MAST4: variants seen among roughly 807,000 people sequenced by gnomAD.
MAST4 encodes the protein microtubule associated serine/threonine kinase family member 4, also known as microtubule-associated serine/threonine-protein kinase 4.
In MAST4, 89 loss-of-function variants were observed where a neutral mutation model predicts 162.7. The ratio of observed to expected loss-of-function variants is 0.55; its 90% confidence interval spans 0.46 to 0.65. MAST4 has a LOEUF of 0.65. MAST4 is among the 30% of genes least tolerant of loss of function. The probability of loss-of-function intolerance (pLI) is 0.00; values close to 1 mark genes in which losing one functional copy is unlikely to be tolerated. For missense variants in MAST4, 3,153 were observed against 3,374.0 expected (o/e 0.93, Z 1.62); for synonymous variants, 1,479 against 1,361.1 (o/e 1.09, Z -1.91).
At chr5:66,996,749 A>G (rs1032151644) in intron 4 of MAST4, among the ~76,000 whole-genome samples, 9 of 152,154 alleles carry the variant, frequency 5.9e-5, no homozygotes, top group African/African-American at 2.2e-4. Flanking sequence ...TTCTTCAAGT[A>G]TCCCTCTGCC....
chr5:66,691,071 A>G (rs1357836249), intron 1 of MAST4, among the ~76,000 whole-genome samples: 3 of 152,208 alleles, frequency 2.0e-5, no homozygotes, highest in Non-Finnish European at 1.5e-5. Flanking sequence ...TAGAGTGACA[A>G]TAACTTAGGT....
chr5:66,611,020 C>T (rs1743256368), intron 1 of MAST4, among the ~76,000 whole-genome samples: 1 of 152,204 alleles, frequency 6.6e-6, no homozygotes, highest in Non-Finnish European at 1.5e-5. Flanking sequence ...TTCAGAAAAT[C>T]CATCAGAATG....
At chr5:66,970,166 G>T (rs1252940118) in intron 4 of MAST4, among the ~76,000 whole-genome samples, 1 of 152,096 alleles carries the variant, frequency 6.6e-6, no homozygotes, top group Non-Finnish European at 1.5e-5. Flanking sequence ...GTGTGGACAG[G>T]CCACTTAGCA....
chr5:66,919,316 G>T (rs1428207560), intron 4 of MAST4, among the ~76,000 whole-genome samples: 2 of 151,888 alleles, frequency 1.3e-5, no homozygotes, highest in African/African-American at 4.8e-5. Flanking sequence ...CCTTCCATAT[G>T]AACTTATCAT....
At chr5:66,772,225 C>T (rs1309103920) in intron 2 of MAST4, among the ~76,000 whole-genome samples, 1 of 152,124 alleles carries the variant, frequency 6.6e-6, no homozygotes, top group African/African-American at 2.4e-5. Context: ...GTGGGTGGTA[C>T]CATTTCACAC....
intron 1 of MAST4, among the ~76,000 whole-genome samples, chr5:66,658,423 T>G (rs1462965758): frequency 1.3e-5 from 2 of 152,186 alleles, no homozygotes; most frequent in Non-Finnish European, 2.9e-5. Context: ...TGTTATGGGT[T>G]TTTTCCCCTT....
intron 3 of MAST4, among the ~76,000 whole-genome samples, chr5:66,824,010 C>T (rs1757120729): frequency 1.3e-5 from 2 of 152,132 alleles, no homozygotes; most frequent in Admixed American, 6.6e-5. Context: ...TCATTGGCCA[C>T]TGGCAGCTAT....
At chr5:66,915,360 T>C (rs1439782925) in intron 4 of MAST4, among the ~76,000 whole-genome samples, 2 of 152,138 alleles carry the variant, frequency 1.3e-5, no homozygotes, top group Non-Finnish European at 2.9e-5. Context: ...ATTTGTTCTC[T>C]TGTATAGTGA....
chr5:66,963,068 G>A (rs903401277), intron 4 of MAST4, among the ~76,000 whole-genome samples: 1 of 152,108 alleles, frequency 6.6e-6, no homozygotes, highest in African/African-American at 2.4e-5. Flanking sequence ...GGTGGGGAGT[G>A]GGGGGTCAGG....
At position 66,690,473 on chromosome 5, in the gene MAST4, A is replaced by G. The variant is rs140413716; in HGVS notation, c.364-69236A>G. On this transcript the variant is annotated intron_variant, in intron 1 of 28. Transcript: ENST00000403625. Reference sequence around the variant, plus strand: ...ATTTTTCTTCTAGTTATTGCTTCCCAGCCACGAGCTAAAATTTCAAATGCC... The same window carrying G: ...ATTTTTCTTCTAGTTATTGCTTCCCGGCCACGAGCTAAAATTTCAAATGCC... Among the ~76,000 whole-genome samples the G allele has an allele frequency of 7.8e-4, 119 of 152,344 alleles. 1 individual carries two copies. Among genetic ancestry groups the G allele is most frequent in the African/African-American group, 2.8e-3 (115 of 41,588 alleles).
In MAST4 at chr5:66,730,581, G is replaced by A. The variant is rs537200517; in HGVS notation, c.364-29128G>A. On this transcript the variant is annotated intron_variant, in intron 1 of 28. Transcript: ENST00000403625. ...GCTGATGACGGATTGCCGATCAGTGGTAATTTAAACAGATTCTGAACAGTA... is the reference window on the plus strand; with the variant it reads ...GCTGATGACGGATTGCCGATCAGTGATAATTTAAACAGATTCTGAACAGTA... Among the ~76,000 whole-genome samples, 72 of 152,264 alleles carry A rather than the reference G, an allele frequency of 4.7e-4. No homozygotes were observed. In the South Asian group the frequency reaches 0.013, roughly 28 times the overall value.
At chr5:66,778,612 T>C (rs908411679) in intron 2 of MAST4, among the ~76,000 whole-genome samples, 5 of 152,218 alleles carry the variant, frequency 3.3e-5, no homozygotes, top group African/African-American at 1.2e-4. Flanking sequence ...AGTCTGACTT[T>C]AATGTGTTTC....
chr5:67,057,271 C>T (rs897815926), intron 5 of MAST4, among the ~76,000 whole-genome samples: 7 of 152,076 alleles, frequency 4.6e-5, no homozygotes, highest in African/African-American at 7.2e-5. Context: ...GAGTGTCAGG[C>T]GAGGTTTTCT....
chr5:66,614,014 G>A (rs1220709796), intron 1 of MAST4, among the ~76,000 whole-genome samples: 1 of 152,174 alleles, frequency 6.6e-6, no homozygotes, highest in African/African-American at 2.4e-5. Context: ...GGGGACTGGT[G>A]AAAATTAGTT....
At chr5:67,042,817 A>G (rs1756925871) in intron 4 of MAST4, among the ~76,000 whole-genome samples, 1 of 152,202 alleles carries the variant, frequency 6.6e-6, no homozygotes, top group East Asian at 1.9e-4. Flanking sequence ...ACAGAAAGAC[A>G]CTGGCTTTTT....
intron 3 of MAST4, among the ~76,000 whole-genome samples, chr5:66,888,805 G>C (rs1227766675): frequency 1.3e-5 from 2 of 152,200 alleles, no homozygotes; most frequent in African/African-American, 4.8e-5. Context: ...GGAAATGCAA[G>C]TGAACTGAAA....
chr5:66,862,352 T>G (rs1342229028), intron 3 of MAST4, among the ~76,000 whole-genome samples: 1 of 152,202 alleles, frequency 6.6e-6, no homozygotes, highest in Admixed American at 6.5e-5. Flanking sequence ...TCATTAGATT[T>G]TTTTCTAAAC....
intron 1 of MAST4, among the ~76,000 whole-genome samples, chr5:66,627,291 C>A (rs1744500240): frequency 6.6e-6 from 1 of 152,184 alleles, no homozygotes; most frequent in African/African-American, 2.4e-5. Flanking sequence ...TACTCCCATT[C>A]TTCAGTTACC....
intron 4 of MAST4, among the ~76,000 whole-genome samples, chr5:67,009,954 G>T (rs1255274971): frequency 6.6e-6 from 1 of 152,186 alleles, no homozygotes; most frequent in African/African-American, 2.4e-5. Flanking sequence ...TCTGAGAGAA[G>T]AAGAAATATT....
Sources: allele counts gnomAD v4.1 joint callset (sites outside exome capture counted in the v4.1 genomes callset), GRCh38; gene constraint gnomAD v4.1.1; transcripts MANE v1.5; gene names NCBI Gene and HGNC (gene_info 2026-07-23, HGNC 2026-07-21).